The following USP28 variants were observed in gnomAD, a reference collection of about 807,000 sequenced individuals.
The protein encoded by USP28 is ubiquitin carboxyl-terminal hydrolase 28.
Under a neutral mutation model 145.0 loss-of-function variants are expected in USP28, and 113 were observed. That is an observed-to-expected ratio of 0.78 (90% CI 0.67 to 0.91). The LOEUF is 0.91. Among genes scored for constraint, USP28 ranks in the 40% least tolerant of loss-of-function variants. The pLI, the probability that USP28 is intolerant of heterozygous loss-of-function variation, is 0.00. For missense variants in USP28, 1,201 were observed against 1,289.6 expected (o/e 0.93, Z 1.05); for synonymous variants, 447 against 450.9 (o/e 0.99, Z 0.11).
At chr11:113,861,015 G>A (rs1224429943) in intron 1 of USP28, among the ~76,000 whole-genome samples, 3 of 151,926 alleles carry the variant, frequency 2.0e-5, no homozygotes, top group Non-Finnish European at 4.4e-5. Context: ...CTACTCGGGA[G>A]GCTGAGGCAG....
chr11:113,847,466 G>T, intron 3 of USP28, among the ~76,000 whole-genome samples: 1 of 125,146 alleles, frequency 8.0e-6, no homozygotes, highest in Non-Finnish European at 1.7e-5. Context: ...GGGGGGCGGG[G>T]TGGAGATTTA....
intron 3 of USP28, among the ~76,000 whole-genome samples, chr11:113,848,260 C>T (rs1398526081): frequency 6.6e-6 from 1 of 152,128 alleles, no homozygotes; most frequent in East Asian, 1.9e-4. Flanking sequence ...TGCTGATTAA[C>T]CAACATTAAA....
intron 7 of USP28, among the ~76,000 whole-genome samples, chr11:113,832,228 G>A (rs894184884): frequency 6.6e-6 from 1 of 152,164 alleles, no homozygotes; most frequent in African/African-American, 2.4e-5. Context: ...TCCTGCCTCA[G>A]CCTCCCAAGT....
intron 3 of USP28, among the ~76,000 whole-genome samples, chr11:113,849,900 A>AT (rs1946278584): frequency 6.6e-6 from 1 of 152,160 alleles, no homozygotes; most frequent in African/African-American, 2.4e-5. Flanking sequence ...GGGTTTTACT[A>AT]TCCCAACAGA....
chr11:113,803,322 T>C (rs1031090374), intron 22 of USP28, 41 bp from the exon 24 acceptor site: 5 of 1,569,124 alleles, frequency 3.2e-6, no homozygotes, highest in Admixed American at 3.9e-5. Context: ...AGTGCTCTTT[T>C]ACTAAAATCT....
intron 6 of USP28, 33 bp from the exon 7 acceptor site, chr11:113,833,590 T>A: frequency 6.3e-7 from 1 of 1,576,114 alleles, no homozygotes; most frequent in Non-Finnish European, 8.6e-7. Flanking sequence ...ACTCTTACAA[T>A]ATCTCATTTA....
chr11:113,807,905 T>C (rs868159318), intron 18 of USP28, 46 bp downstream of exon 19: 4 of 993,510 alleles, frequency 4.0e-6, no homozygotes, highest in Non-Finnish European at 4.8e-6. Context: ...GAGAAGGAAA[T>C]ATAAGACTGA....
At chr11:113,840,121 C>T (rs934626663) in intron 5 of USP28, among the ~76,000 whole-genome samples, 4 of 152,202 alleles carry the variant, frequency 2.6e-5, no homozygotes, top group African/African-American at 4.8e-5. Flanking sequence ...CCTGGTTACT[C>T]GAACTAGAAA....
At chr11:113,808,939 A>G in intron 17 of USP28, 124 bp downstream of exon 17, 1 of 902,216 alleles carries the variant, frequency 1.1e-6, no homozygotes, top group Non-Finnish European at 1.7e-6. Context: ...TGGCATACCA[A>G]CTGTATATGA....
rs74372844 is a variant in USP28, at chr11:113,873,627, T to C, written c.57+1818A>G. Among the ~76,000 whole-genome samples the C allele has an allele frequency of 5.0e-3, 765 of 152,308 alleles. 2 individuals carry two copies. Among genetic ancestry groups the C allele is most frequent in the Non-Finnish European group, 7.3e-3 (498 of 68,016 alleles). ...CTTCTCTCTCCCTTAAAATAGTCTC[T>C]TCTCTAAATCAATATGATAGTCTCC... On this transcript the variant is annotated intron_variant, in intron 1 of 24. Coordinates refer to ENST00000003302, the Ensembl canonical transcript of USP28.
chr11:113,831,606 T>C (rs912669510), intron 8 of USP28, among the ~76,000 whole-genome samples: 2 of 152,180 alleles, frequency 1.3e-5, no homozygotes, highest in African/African-American at 4.8e-5. Flanking sequence ...TATACCATCA[T>C]GTTCACAACA....
At chr11:113,801,745 T>G in intron 23 of USP28, 67 bp from the exon 25 acceptor site, 1 of 1,353,708 alleles carries the variant, frequency 7.4e-7, no homozygotes. Flanking sequence ...TTAATAACAG[T>G]CTAAACAAGT....
intron 1 of USP28, among the ~76,000 whole-genome samples, chr11:113,866,163 G>A (rs1378127397): frequency 2.0e-5 from 3 of 152,096 alleles, no homozygotes; most frequent in Non-Finnish European, 2.9e-5. Flanking sequence ...GTGTTGGCAC[G>A]CGCCTGTAAT....
intron 5 of USP28, chr11:113,835,343 G>T (rs572893236): frequency 4.4e-5 from 20 of 455,922 alleles, no homozygotes; most frequent in Middle Eastern, 3.3e-4. Context: ...TAGATAATAG[G>T]CAAAACTTTG....
At chr11:113,824,068 G>A (rs2135746753) in intron 11 of USP28, among the ~76,000 whole-genome samples, 1 of 151,832 alleles carries the variant, frequency 6.6e-6, no homozygotes, top group East Asian at 1.9e-4. Context: ...TAATAAGTGA[G>A]TTTAGTAAAG....
At chr11:113,840,856 C>A in intron 4 of USP28, 99 bp from the exon 5 acceptor site, 1 of 1,389,002 alleles carries the variant, frequency 7.2e-7, no homozygotes, top group Non-Finnish European at 9.6e-7. Context: ...ATTCAAAACA[C>A]CAGAAAAAGT....
intron 5 of USP28, among the ~76,000 whole-genome samples, chr11:113,837,252 TTTG>T (rs1303408245): frequency 6.6e-6 from 1 of 152,270 alleles, no homozygotes; most frequent in Non-Finnish European, 1.5e-5. Flanking sequence ...CACAGTTGTC[TTTG>T]TTTTGTTCAC....
intron 3 of USP28, among the ~76,000 whole-genome samples, chr11:113,849,727 A>G (rs1032118043): frequency 3.9e-5 from 6 of 152,190 alleles, no homozygotes; most frequent in African/African-American, 7.2e-5. Flanking sequence ...CAAAACGCCA[A>G]TAAGAACTGT....
chr11:113,866,026 G>A (rs1041200895), intron 1 of USP28, among the ~76,000 whole-genome samples: 2 of 152,188 alleles, frequency 1.3e-5, no homozygotes, highest in African/African-American at 4.8e-5. Context: ...GGCCGGGCAC[G>A]GTGGCTCATG....
Sources: gnomAD v4.1 joint callset for allele counts (sites outside exome capture counted in the v4.1 genomes callset) on GRCh38, gnomAD v4.1.1 for gene constraint, MANE v1.5 for transcripts, NCBI Gene and HGNC (gene_info 2026-07-23, HGNC 2026-07-21) for gene names.